Variants in ELAC2 observed in about 807,000 individuals in gnomAD.
ELAC2 encodes the protein elaC ribonuclease Z 2.
Under a neutral mutation model 105.2 loss-of-function variants are expected in ELAC2, and 92 were observed. That is an observed-to-expected ratio of 0.87 (90% CI 0.74 to 1.04). The LOEUF (loss-of-function observed/expected upper bound fraction) is 1.04. ELAC2 is among the 50% of genes least tolerant of loss of function. ELAC2 has a pLI of 0.00. For synonymous variants in ELAC2, 468 were observed against 409.1 expected, an observed-to-expected ratio of 1.14 and a Z score of -1.74; for missense variants, 1,099 against 1,071.7, an observed-to-expected ratio of 1.03 and a Z score of -0.36.
intron 21 of ELAC2, 47 bp downstream of exon 21, chr17:12,994,717 C>T (rs1392278191): frequency 6.2e-7 from 1 of 1,613,082 alleles, no homozygotes; most frequent in East Asian, 2.2e-5. Context: ...TCCAGCTACA[C>T]AAACCCCAGA....
chr17:13,007,848 A>T (rs942141064), intron 8 of ELAC2, among the ~76,000 whole-genome samples: 2 of 152,198 alleles, frequency 1.3e-5, no homozygotes, highest in Admixed American at 6.5e-5. Flanking sequence ...ACCGCACTCC[A>T]GCCTGGGCAA....
In ELAC2 at chr17:12,993,806, C is replaced by T; in HGVS notation, c.2134G>A (p.Gly712Arg). ...ATGAACTCCGCGTTCATCCGCATCC[C>T]CACGCTGATGGCTTGGGACGTTGTG... is the stretch of plus-strand genomic sequence containing the variant. ...HSTTSQAISV[G>R]MRMNAEFIML... The change falls in exon 23 of 24, where the codon GGG (glycine) becomes AGG (arginine). Residue 712 changes from glycine (G) to arginine (R), a missense_variant. Physicochemically the swap from Gly to Arg is moderately radical, Grantham distance 125 (BLOSUM62 -2). Transcript: ENST00000338034. The T allele has an allele frequency of 1.9e-6, 3 of 1,614,196 alleles. No individual in the cohort carries two copies. The highest frequency in any genetic ancestry group is 2.5e-6 in the Non-Finnish European group (3 of 1,180,042).
At position 12,991,970 on chromosome 17, in the gene ELAC2, A is replaced by G. The variant is rs1012932371; in HGVS notation, c.*848T>C. 6.6e-6 allele frequency among the ~76,000 whole-genome samples: 1 copy of G among 152,102 alleles called. No homozygotes were observed. Among genetic ancestry groups the G allele is most frequent in the Non-Finnish European group, 1.5e-5 (1 of 68,040 alleles). The stretch of plus-strand genomic sequence containing the variant: ...ACAATGGAAACCAGCCCCGTGTGCC[A>G]TTTCTCAAAACCTTCGAGGGCAAAG... On this transcript the variant is annotated 3_prime_UTR_variant, in exon 24 of 24. Coordinates refer to ENST00000338034, the MANE Select transcript of ELAC2 (RefSeq NM_018127.7).
intron 11 of ELAC2, chr17:13,003,853 C>T (rs1190501775): frequency 2.2e-6 from 1 of 457,414 alleles, no homozygotes; most frequent in African/African-American, 2.0e-5. Flanking sequence ...TCCTTCCTAC[C>T]CTCTCCACTC....
intron 7 of ELAC2, 74 bp from the exon 8 acceptor site, chr17:13,010,745 C>T (rs1378099330): frequency 7.5e-7 from 1 of 1,335,952 alleles, no homozygotes. Context: ...GATTATGACC[C>T]GATACCTAAT....
intron 3 of ELAC2, among the ~76,000 whole-genome samples, chr17:13,016,245 T>A (rs2041715792): frequency 6.6e-6 from 1 of 152,170 alleles, no homozygotes; most frequent in African/African-American, 2.4e-5. Context: ...TTGATAGACA[T>A]AAATGACAGG....
intron 7 of ELAC2, among the ~76,000 whole-genome samples, chr17:13,011,112 T>C (rs142609602): frequency 1.3e-5 from 2 of 152,280 alleles, no homozygotes; most frequent in African/African-American, 4.8e-5. Context: ...TCTCAGTCAC[T>C]AGACAAGACC....
chr17:13,000,380 G>A (rs1598217510), intron 14 of ELAC2, 106 bp from the exon 15 acceptor site: 2 of 1,066,368 alleles, frequency 1.9e-6, no homozygotes, highest in African/African-American at 1.5e-5. Flanking sequence ...TCTGCAGGAA[G>A]TTCCTTCAGA....
intron 11 of ELAC2, among the ~76,000 whole-genome samples, chr17:13,004,261 C>G (rs1220022984): frequency 6.6e-6 from 1 of 151,908 alleles, no homozygotes; most frequent in Admixed American, 6.6e-5. Context: ...CCAAATTCAC[C>G]CACAGAGAAT....
At chr17:13,001,568 T>C (rs2040814696) in intron 14 of ELAC2, among the ~76,000 whole-genome samples, 1 of 152,142 alleles carries the variant, frequency 6.6e-6, no homozygotes, top group African/African-American at 2.4e-5. Flanking sequence ...GGCTGTTCAC[T>C]TTCCTGGTTG....
Position 13,003,841 on chromosome 17 carries a change from C to T in ELAC2, c.984-267G>A. ...TGGCTGATCCTTTCTCAGCACTGCA[C>T]TTCCTTCCTACCCTCTCCACTCATA... On this transcript the variant is annotated intron_variant, in intron 11 of 23. Coordinates refer to ENST00000338034, the MANE Select transcript of ELAC2 (RefSeq NM_018127.7). The T allele has an allele frequency of 6.1e-6, 3 of 494,836 alleles. No individual in the cohort carries two copies. In the East Asian group the frequency reaches 1.1e-4, roughly 19 times the overall value. The allele number at this position is 494,836 out of a possible 1,614,324, so 30.7% of individuals were successfully genotyped here. A position where few individuals can be genotyped will look rare whatever the true frequency, so the allele number is the denominator to read the frequency against.
intron 8 of ELAC2, among the ~76,000 whole-genome samples, chr17:13,007,653 G>C (rs1443844050): frequency 6.6e-6 from 1 of 152,060 alleles, no homozygotes; most frequent in Non-Finnish European, 1.5e-5. Context: ...TGAAGCAGGA[G>C]GATCATTTGA....
chr17:12,992,868 T>C lies in ELAC2; in HGVS notation c.2431A>G (p.Lys811Glu), dbSNP rs752630201. 2 of 1,606,436 alleles carry C rather than the reference T, an allele frequency of 1.2e-6. No homozygotes were observed. The highest frequency in any genetic ancestry group is 1.7e-6 in the Non-Finnish European group (2 of 1,173,984). The change falls in exon 24 of 24, where the codon AAG becomes GAG. Residue 811 changes from lysine (K) to glutamate (E), a missense_variant. Transcript: ENST00000338034. ...TGTGGCTCCTCTGTGTGGGCCCGCT[T>C]CTGCTGAGGCTCCCCATCCTCCAGG... ...GGLEDGEPQQ[K>E]RAHTEEPQAK... is the part of the protein sequence containing the mutation.
intron 1 of ELAC2, 110 bp downstream of exon 1, chr17:13,017,593 T>G: frequency 1.3e-6 from 2 of 1,562,052 alleles, no homozygotes; most frequent in Non-Finnish European, 8.7e-7. Context: ...CCCGCAACAG[T>G]GAACCACATG....
intron 3 of ELAC2, 105 bp downstream of exon 3, chr17:13,016,757 A>G (rs1457125862): frequency 1.7e-6 from 2 of 1,148,814 alleles, no homozygotes; most frequent in East Asian, 2.6e-5. Flanking sequence ...AAAAAAAAAA[A>G]AAAAAAAAAA....
At chr17:13,003,598 C>A (rs758944702) in intron 11 of ELAC2, 24 bp from the exon 12 acceptor site, 210 of 1,604,492 alleles carry the variant, frequency 1.3e-4, no homozygotes, top group Non-Finnish European at 1.6e-4. Flanking sequence ...TGGGGCTTTA[C>A]AAAGTGATGC....
intron 1 of ELAC2, chr17:13,017,502 C>A (rs1226195440): frequency 1.8e-6 from 2 of 1,136,560 alleles, no homozygotes; most frequent in African/African-American, 3.1e-5. Context: ...CAGACCCAGG[C>A]CTGAAGTTCT....
intron 15 of ELAC2, among the ~76,000 whole-genome samples, chr17:12,998,719 G>A (rs1337447865): frequency 6.6e-6 from 1 of 152,178 alleles, no homozygotes; most frequent in Admixed American, 6.5e-5. Flanking sequence ...GCTTGGAGCT[G>A]CAGTAGTAAG....
chr17:12,994,396 G>T, intron 22 of ELAC2, 29 bp downstream of exon 22: 7 of 1,613,326 alleles, frequency 4.3e-6, no homozygotes, highest in Non-Finnish European at 5.9e-6. Flanking sequence ...AGAGGATGTG[G>T]GCGACAAGGA....
Sources: gnomAD v4.1 joint callset for allele counts (sites outside exome capture counted in the v4.1 genomes callset) on GRCh38, gnomAD v4.1.1 for gene constraint, MANE v1.5 for transcripts, NCBI Gene and HGNC (gene_info 2026-07-23, HGNC 2026-07-21) for gene names.